Variants in GLI3 observed in about 807,000 individuals in gnomAD.
GLI3 encodes the protein transcription activator GLI3.
Under a neutral mutation model 100.8 loss-of-function variants are expected in GLI3, and 20 were observed. The ratio of observed to expected loss-of-function variants is 0.20; its 90% CI spans 0.14 to 0.29. GLI3 has a LOEUF of 0.29. Among genes scored for constraint, GLI3 ranks in the 10% least tolerant of loss-of-function variants. The pLI, the probability that GLI3 is intolerant of heterozygous loss-of-function variation, is 1.00. For synonymous variants in GLI3, 938 were observed against 860.5 expected (o/e 1.09, Z -1.58); for missense variants, 2,040 against 2,128.5 (o/e 0.96, Z 0.82).
chr7:42,259,753 T>C (rs765579623), intron 1 of GLI3, among the ~76,000 whole-genome samples: 3 of 152,186 alleles, frequency 2.0e-5, no homozygotes, highest in Non-Finnish European at 2.9e-5. Context: ...ACAATTAGCA[T>C]TACCCACCAA....
intron 10 of GLI3, among the ~76,000 whole-genome samples, chr7:41,986,791 T>C (rs973923307): frequency 6.6e-6 from 1 of 151,778 alleles, no homozygotes; most frequent in Non-Finnish European, 1.5e-5. Flanking sequence ...AATTGCTGTA[T>C]ACTTTAAATG....
intron 4 of GLI3, among the ~76,000 whole-genome samples, chr7:42,071,507 T>C (rs1015688084): frequency 1.3e-5 from 2 of 152,070 alleles, no homozygotes; most frequent in African/African-American, 4.8e-5. Context: ...ACAGGCCCAA[T>C]ATAGTGTTTT....
intron 10 of GLI3, among the ~76,000 whole-genome samples, chr7:41,990,863 CAAGT>C (rs1299716763): frequency 7.2e-6 from 1 of 138,890 alleles, no homozygotes. Flanking sequence ...TAGATTAAGG[CAAGT>C]GTGTGTGTGT....
In GLI3 at chr7:42,175,033, G is replaced by A. The variant is rs886921078; in HGVS notation, c.125-26565C>T. On this transcript the variant is annotated intron_variant, in intron 2 of 14. Coordinates refer to ENST00000395925, the MANE Select transcript of GLI3 (RefSeq NM_000168.6). ...TTCCTGCCTGATTTCTGTAAATGCCGTCTGTTACCTTACAGTCGCACCTTG... is the reference window on the plus strand; with the variant it reads ...TTCCTGCCTGATTTCTGTAAATGCCATCTGTTACCTTACAGTCGCACCTTG... Among the ~76,000 whole-genome samples the A allele has an allele frequency of 5.3e-5, 8 of 152,068 alleles. No individual in the cohort carries two copies. In the East Asian group the frequency reaches 5.8e-4, roughly 11 times the overall value.
chr7:42,150,735 C>T (rs567360961), intron 2 of GLI3, among the ~76,000 whole-genome samples: 5 of 152,276 alleles, frequency 3.3e-5, no homozygotes, highest in African/African-American at 1.2e-4. Context: ...AATAAATTAA[C>T]TTTTCTTCTC....
At chr7:42,028,481 A>G (rs1322141384) in intron 7 of GLI3, among the ~76,000 whole-genome samples, 1 of 152,066 alleles carries the variant, frequency 6.6e-6, no homozygotes, top group Admixed American at 6.6e-5. Context: ...AAGATGTAGG[A>G]GGCCGGGCGC....
At chr7:42,154,602 C>T (rs1436889764) in intron 2 of GLI3, among the ~76,000 whole-genome samples, 1 of 152,228 alleles carries the variant, frequency 6.6e-6, no homozygotes. Context: ...CAAGTCCTCG[C>T]TCCCTGTTTC....
chr7:42,019,312 G>A (rs1214223219), intron 10 of GLI3, among the ~76,000 whole-genome samples: 4 of 152,190 alleles, frequency 2.6e-5, no homozygotes, highest in Non-Finnish European at 5.9e-5. Context: ...CACAACCAAA[G>A]TGTGCAGGTT....
At chr7:42,231,522 A>G (rs1788695698) in intron 1 of GLI3, among the ~76,000 whole-genome samples, 1 of 152,168 alleles carries the variant, frequency 6.6e-6, no homozygotes, top group South Asian at 2.1e-4. Context: ...CCTCTCAATG[A>G]AACTCTCTGA....
At chr7:42,000,109 G>T (rs570343159) in intron 10 of GLI3, among the ~76,000 whole-genome samples, 1 of 152,300 alleles carries the variant, frequency 6.6e-6, no homozygotes, top group African/African-American at 2.4e-5. Flanking sequence ...ATTACACACA[G>T]GAAGCACGGC....
chr7:42,080,484 T>G (rs1429011975), intron 3 of GLI3, among the ~76,000 whole-genome samples: 1 of 152,200 alleles, frequency 6.6e-6, no homozygotes, highest in Non-Finnish European at 1.5e-5. Context: ...ACGTTTCCCC[T>G]CTTGATTAAA....
intron 2 of GLI3, among the ~76,000 whole-genome samples, chr7:42,182,705 C>CATGTGTGT (rs1231813981): frequency 3.9e-5 from 3 of 76,008 alleles, no homozygotes; most frequent in Non-Finnish European, 6.7e-5. Context: ...TATATATATA[C>CATGTGTGT]ACACATATAA....
intron 10 of GLI3, among the ~76,000 whole-genome samples, chr7:42,003,139 A>G (rs1182028319): frequency 2.0e-5 from 3 of 152,270 alleles, no homozygotes; most frequent in Admixed American, 6.5e-5. Context: ...TAAGGAATTA[A>G]TGACTGAATA....
chr7:42,170,293 C>T (rs1169063006), intron 2 of GLI3, among the ~76,000 whole-genome samples: 3 of 146,850 alleles, frequency 2.0e-5, no homozygotes, highest in Non-Finnish European at 3.0e-5. Flanking sequence ...TATATACACA[C>T]ACATATGTAT....
intron 4 of GLI3, among the ~76,000 whole-genome samples, chr7:42,065,953 G>T (rs1158595945): frequency 6.6e-6 from 1 of 152,052 alleles, no homozygotes; most frequent in Non-Finnish European, 1.5e-5. Context: ...ATGTCTTTAG[G>T]TCTCCACGTT....
chr7:42,132,711 C>T (rs1475621411), intron 3 of GLI3, among the ~76,000 whole-genome samples: 1 of 152,188 alleles, frequency 6.6e-6, no homozygotes, highest in Non-Finnish European at 1.5e-5. Context: ...GGATTACAGG[C>T]TTACAGCCTC....
intron 1 of GLI3, among the ~76,000 whole-genome samples, chr7:42,233,888 ATGTG>A (rs144233032): frequency 6.6e-6 from 1 of 151,910 alleles, no homozygotes; most frequent in African/African-American, 2.4e-5. Context: ...ACGTGTGTGT[ATGTG>A]TGTGTGTGTC....
intron 3 of GLI3, among the ~76,000 whole-genome samples, chr7:42,086,865 G>A (rs148881102): frequency 1.3e-5 from 2 of 152,246 alleles, no homozygotes; most frequent in Non-Finnish European, 2.9e-5. Context: ...TCCTCAGTGC[G>A]CTTCCTCAGA....
At chr7:42,084,901 C>CTTTT (rs747166719) in intron 3 of GLI3, among the ~76,000 whole-genome samples, 17 of 47,518 alleles carry the variant, frequency 3.6e-4, no homozygotes, top group South Asian at 9.4e-4. Flanking sequence ...CATTTGGATT[C>CTTTT]TTTTTTTTTT....
Sources: allele counts gnomAD v4.1 joint callset (sites outside exome capture counted in the v4.1 genomes callset), GRCh38; gene constraint gnomAD v4.1.1; transcripts MANE v1.5; gene names NCBI Gene and HGNC (gene_info 2026-07-23, HGNC 2026-07-21).